MACROD2: variants seen among roughly 807,000 people sequenced by gnomAD.
MACROD2 encodes mono-ADP ribosylhydrolase 2.
A neutral mutation model predicts 70.4 loss-of-function variants in MACROD2; 36 were observed. That is an observed-to-expected ratio of 0.51 (90% confidence interval 0.39 to 0.68). The LOEUF (loss-of-function observed/expected upper bound fraction) is 0.68, where lower values mean the gene tolerates loss of function less well. MACROD2 is among the 30% of genes least tolerant of loss of function. The pLI, the probability that MACROD2 is intolerant of heterozygous loss-of-function variation, is 0.00. For missense variants in MACROD2, 496 were observed against 538.4 expected, an observed-to-expected ratio of 0.92 and a Z score of 0.78; for synonymous variants, 172 against 178.8, an observed-to-expected ratio of 0.96 and a Z score of 0.30.
At chr20:14,289,600 G>A (rs989019961) in intron 3 of MACROD2, among the ~76,000 whole-genome samples, 4 of 152,202 alleles carry the variant, frequency 2.6e-5, no homozygotes, top group African/African-American at 9.7e-5. Context: ...GGAGTACAGT[G>A]GCATGATCGC....
chr20:14,429,767 A>G (rs1168727762), intron 3 of MACROD2, among the ~76,000 whole-genome samples: 1 of 152,144 alleles, frequency 6.6e-6, no homozygotes, highest in East Asian at 1.9e-4. Context: ...CACCCTCAAG[A>G]GCAACCCTCA....
chr20:15,427,268 T>C (rs2046310655), intron 6 of MACROD2, among the ~76,000 whole-genome samples: 1 of 152,224 alleles, frequency 6.6e-6, no homozygotes, highest in Non-Finnish European at 1.5e-5. Flanking sequence ...TATTTGTCCT[T>C]GTTAAAACAG....
chr20:14,333,103 C>T (rs1159392903), intron 3 of MACROD2, among the ~76,000 whole-genome samples: 3 of 151,908 alleles, frequency 2.0e-5, no homozygotes, highest in African/African-American at 7.3e-5. Context: ...CTCTAACTCT[C>T]CTCTTGAGAG....
chr20:15,379,781 A>C lies in MACROD2; in HGVS notation c.541-51624A>C, dbSNP rs190966142. 1.8e-4 allele frequency among the ~76,000 whole-genome samples: 28 copies of C among 152,208 alleles called. No individual in the cohort carries two copies. In the East Asian group the frequency reaches 5.4e-3, roughly 29 times the overall value. ...TCCACTCTTGCCTTCCTCTAACTCAATCTCTAAACAAGCACATGAAGAATA... is the reference window on the plus strand; with the variant it reads ...TCCACTCTTGCCTTCCTCTAACTCACTCTCTAAACAAGCACATGAAGAATA... On this transcript the variant is annotated intron_variant, in intron 6 of 17. Coordinates refer to ENST00000684519, the MANE Select transcript of MACROD2 (RefSeq NM_001351661.2).
chr20:15,713,429 C>T (rs1195274392), intron 8 of MACROD2, among the ~76,000 whole-genome samples: 1 of 152,154 alleles, frequency 6.6e-6, no homozygotes, highest in African/African-American at 2.4e-5. Context: ...TTAATTTGCT[C>T]ATGGTTCTGA....
chr20:14,025,281 C>T (rs1055705949), intron 2 of MACROD2, among the ~76,000 whole-genome samples: 1 of 151,908 alleles, frequency 6.6e-6, no homozygotes, highest in Non-Finnish European at 1.5e-5. Flanking sequence ...GTCTGGGTAG[C>T]GTTCTATCTA....
At chr20:15,880,942 A>G (rs2064746073) in intron 9 of MACROD2, among the ~76,000 whole-genome samples, 1 of 152,140 alleles carries the variant, frequency 6.6e-6, no homozygotes, top group African/African-American at 2.4e-5. Context: ...GAATGCCTTC[A>G]TAGACCTTCT....
At chr20:14,646,393 CCAAA>C (rs1239157242) in intron 4 of MACROD2, among the ~76,000 whole-genome samples, 42 of 152,066 alleles carry the variant, frequency 2.8e-4, no homozygotes, top group African/African-American at 6.3e-4. Flanking sequence ...GTGTTTTTCC[CCAAA>C]CAAACAGCTT....
At chr20:15,876,317 A>T (rs928793961) in intron 9 of MACROD2, among the ~76,000 whole-genome samples, 1 of 151,454 alleles carries the variant, frequency 6.6e-6, no homozygotes, top group African/African-American at 2.4e-5. Flanking sequence ...CCTGTGTCCA[A>T]GTGTTCTCAT....
chr20:14,342,773 T>G (rs1053367773), intron 3 of MACROD2, among the ~76,000 whole-genome samples: 4 of 152,158 alleles, frequency 2.6e-5, no homozygotes. Flanking sequence ...CACATAACCC[T>G]TTTAACTATA....
At chr20:15,162,617 T>G (rs1409041932) in intron 5 of MACROD2, among the ~76,000 whole-genome samples, 1 of 152,150 alleles carries the variant, frequency 6.6e-6, no homozygotes, top group East Asian at 1.9e-4. Context: ...AATGATTTCT[T>G]TTTTGGAACT....
rs180917858 is a variant in MACROD2 at position 14,130,009 on chromosome 20, G to A, written c.271+44281G>A. ...AAAGTTGTCTGGAACTGAACCTGCCGTATCTTTGAGGTATGCCTGTAATTC... is the reference window on the plus strand; with the variant it reads ...AAAGTTGTCTGGAACTGAACCTGCCATATCTTTGAGGTATGCCTGTAATTC... On this transcript the variant is annotated intron_variant, in intron 3 of 17. Coordinates refer to ENST00000684519, the MANE Select transcript of MACROD2 (RefSeq NM_001351661.2). Among the ~76,000 whole-genome samples the A allele has an allele frequency of 1.4e-3, 215 of 152,210 alleles. 2 individuals carry two copies. Among genetic ancestry groups the A allele is most frequent in the African/African-American group, 5.0e-3 (207 of 41,522 alleles).
intron 5 of MACROD2, among the ~76,000 whole-genome samples, chr20:14,902,083 T>C (rs895786226): frequency 6.6e-6 from 1 of 152,192 alleles, no homozygotes; most frequent in African/African-American, 2.4e-5. Context: ...CATTTACATG[T>C]GCTAAATCTT....
chr20:15,340,268 G>C (rs1423009157), intron 6 of MACROD2, among the ~76,000 whole-genome samples: 1 of 150,482 alleles, frequency 6.6e-6, no homozygotes, highest in Admixed American at 6.6e-5. Context: ...CTCCTGAGTA[G>C]CTGGCATTAC....
At chr20:15,517,500 C>T (rs1255672488) in intron 8 of MACROD2, among the ~76,000 whole-genome samples, 3 of 152,180 alleles carry the variant, frequency 2.0e-5, no homozygotes, top group Non-Finnish European at 2.9e-5. Context: ...TAGAGTGGCA[C>T]CTATATCAGA....
chr20:15,182,720 G>T lies in MACROD2; in HGVS notation c.419-47220G>T, dbSNP rs377573825. 1.2e-4 allele frequency among the ~76,000 whole-genome samples: 19 copies of T among 152,258 alleles called. No individual in the cohort carries two copies. The South Asian group carries it at 3.3e-3, about 27-fold the overall frequency. ...ACTGGAGACATCTGGTATTGTGTAG[G>T]ATGGTTGATACTTTTACAAAATTCA... On this transcript the variant is annotated intron_variant, in intron 5 of 17. Transcript: ENST00000684519.
At chr20:15,953,536 T>C (rs1468412293) in intron 12 of MACROD2, among the ~76,000 whole-genome samples, 2 of 152,168 alleles carry the variant, frequency 1.3e-5, no homozygotes, top group Non-Finnish European at 2.9e-5. Flanking sequence ...ATGTAAAAAT[T>C]TAGCTAAAAA....
intron 8 of MACROD2, among the ~76,000 whole-genome samples, chr20:15,554,561 A>G (rs1321655486): frequency 6.6e-6 from 1 of 151,726 alleles, no homozygotes; most frequent in Non-Finnish European, 1.5e-5. Context: ...AAAAAAAAAA[A>G]GAAATATCAA....
intron 13 of MACROD2, among the ~76,000 whole-genome samples, chr20:15,973,796 C>G (rs1411372232): frequency 6.6e-6 from 1 of 152,098 alleles, no homozygotes; most frequent in Non-Finnish European, 1.5e-5. Flanking sequence ...CTATTTGAAC[C>G]AATCTATTCG....
Sources: allele counts gnomAD v4.1 joint callset (sites outside exome capture counted in the v4.1 genomes callset), GRCh38; gene constraint gnomAD v4.1.1; transcripts MANE v1.5; gene names NCBI Gene and HGNC (gene_info 2026-07-23, HGNC 2026-07-21).